The following CDKN2A variants were observed in gnomAD, a reference collection of about 807,000 sequenced individuals.
CDKN2A encodes cyclin-dependent kinase inhibitor 2A.
Under a neutral mutation model 11.1 loss-of-function variants are expected in CDKN2A, and 3 were observed. The ratio of observed to expected loss-of-function variants is 0.27; its 90% CI spans 0.12 to 0.70. The LOEUF is 0.70. Among genes scored for constraint, CDKN2A ranks in the 30% least tolerant of loss-of-function variants. The pLI, the probability that CDKN2A is intolerant of heterozygous loss-of-function variation, is 0.77. For synonymous variants in CDKN2A, 122 were observed against 108.1 expected (o/e 1.13, Z -0.80); for missense variants, 265 against 233.6 (o/e 1.13, Z -0.88).
At chr9:21,982,889 G>A (rs899771818) in intron 2 of CDKN2A, among the ~76,000 whole-genome samples, 2 of 151,676 alleles carry the variant, frequency 1.3e-5, no homozygotes, top group South Asian at 4.2e-4. Flanking sequence ...AAAGCTCAGA[G>A]TGCTTAAGTA....
At chr9:21,970,476 T>A (rs1299483203) in intron 2 of CDKN2A, 1 of 400,552 alleles carries the variant, frequency 2.5e-6, no homozygotes, top group Non-Finnish European at 4.5e-6. Context: ...ACAATTGGGT[T>A]TGGAAATCCT....
At chr9:21,975,256 C>T (rs1026767422), upstream of CDKN2A, 16 of 622,938 alleles carry the variant, frequency 2.6e-5, no homozygotes, top group Non-Finnish European at 3.2e-5. Context: ...TGTTTGAGTG[C>T]GTTCACTCTG....
Position 21,974,722 on chromosome 9 carries a change from C to G in CDKN2A, c.106G>C (p.Ala36Pro), listed in dbSNP as rs777948908. 1 of 1,612,994 alleles carries G rather than the reference C, an allele frequency of 6.2e-7. No homozygotes were observed. Among genetic ancestry groups the G allele is most frequent in the Non-Finnish European group, 8.5e-7 (1 of 1,179,824 alleles). The change falls in exon 1 of 3, where the codon GCG (alanine) becomes CCG (proline). Residue 36 changes from alanine (A) to proline (P), a missense_variant. Transcript: ENST00000304494. The surrounding 1 kb of genome is among the most constrained non-coding windows in gnomAD (Gnocchi z 5.2). ...TAACTATTCGGTGCGTTGGGCAGCG[C>G]CCCCGCCTCCAGCAGCGCCCGCACC... Reference protein sequence around the residue: ...EEVRALLEAGALPNAPNSYGR... With the variant: ...EEVRALLEAGPLPNAPNSYGR...
At chr9:21,984,992 T>C (rs921636572) in intron 2 of CDKN2A, among the ~76,000 whole-genome samples, 2 of 151,978 alleles carry the variant, frequency 1.3e-5, no homozygotes, top group South Asian at 4.1e-4. Context: ...ACCTGATATG[T>C]GATTCAACTC....
rs1587326119 is a variant in CDKN2A, at chr9:21,968,629, C to G, written c.458-387G>C. 4 of 1,519,166 alleles carry G rather than the reference C, an allele frequency of 2.6e-6. No individual in the cohort carries two copies. The East Asian group carries it at 9.8e-5, about 37-fold the overall frequency. 94.1% of individuals were successfully genotyped at this position (1,519,166 alleles called of 1,614,324 possible). A position where few individuals can be genotyped will look rare whatever the true frequency, so the allele number is the denominator to read the frequency against. On this transcript the variant is annotated intron_variant, in intron 2 of 2. Transcript: ENST00000304494. This position sits in a 1 kb window ranked among gnomAD's most constrained non-coding sequence, Gnocchi z 4.7. ...GCCTTTCCCTTCCCGCATCCCCAGG[C>G]ATCTTTTGCACCTGGTGCGGAGTGA...
chr9:21,982,572 A>G (rs904924855), intron 2 of CDKN2A, among the ~76,000 whole-genome samples: 1 of 152,066 alleles, frequency 6.6e-6, no homozygotes, highest in Non-Finnish European at 1.5e-5. Context: ...TTAGCACAGT[A>G]TGTATGTATG....
At position 21,968,082 on chromosome 9, in the gene CDKN2A, A is replaced by G; in HGVS notation, c.*147T>C. On this transcript the variant is annotated 3_prime_UTR_variant, in exon 3 of 3. Coordinates refer to ENST00000304494, the MANE Select transcript of CDKN2A (RefSeq NM_000077.5). The surrounding 1 kb of genome is among the most constrained non-coding windows in gnomAD (Gnocchi z 4.7). ...GGGGGAAGGCATATATCTACGTTAA[A>G]AGGCAGGACATTTTTAAAAGCTCTA... 6 of 751,570 alleles carry G rather than the reference A, an allele frequency of 8.0e-6. No individual in the cohort carries two copies. The highest frequency in any genetic ancestry group is 5.8e-5 in the South Asian group (4 of 68,646). 46.6% of individuals were successfully genotyped at this position (751,570 alleles called of 1,614,324 possible).
chr9:21,984,845 TCTTA>T (rs1272816767), intron 2 of CDKN2A, among the ~76,000 whole-genome samples: 1 of 151,952 alleles, frequency 6.6e-6, no homozygotes, highest in Non-Finnish European at 1.5e-5. Context: ...GACTCTATAG[TCTTA>T]CTGTTATGTT....
At chr9:21,977,803 T>C (rs909093928), upstream of CDKN2A, among the ~76,000 whole-genome samples, 3 of 152,150 alleles carry the variant, frequency 2.0e-5, no homozygotes, top group African/African-American at 7.2e-5. Context: ...TGCACATGTA[T>C]TTCTAGATAA....
Position 21,983,835 on chromosome 9 carries a change from T to C in CDKN2A, c.-4+10047A>G, listed in dbSNP as rs3731223. ...ATCATAATTTTGGAAATGACACATA[T>C]GCAAGTGGGACAAGCCTAGTCTTTA... On this transcript the variant is annotated intron_variant, in intron 2 of 3. Transcript: ENST00000494262. Among the ~76,000 whole-genome samples, 438 of 152,134 alleles carry C rather than the reference T, an allele frequency of 2.9e-3. 2 individuals are homozygous for C. Among genetic ancestry groups the C allele is most frequent in the Admixed American group, 4.9e-3 (75 of 15,288 alleles).
intron 2 of CDKN2A, among the ~76,000 whole-genome samples, chr9:21,990,558 C>G (rs1459078410): frequency 6.8e-6 from 1 of 147,802 alleles, no homozygotes; most frequent in African/African-American, 2.5e-5. Context: ...TAAATATCAC[C>G]AAACTTTTTC....
In CDKN2A at chr9:21,987,423, A is replaced by ACG. The variant is rs1554658496; in HGVS notation, c.-4+6458_-4+6459insCG. On this transcript the variant is annotated intron_variant, in intron 2 of 3. Coordinates refer to the CDKN2A transcript ENST00000494262. Reference sequence around the variant, plus strand: ...CACACACACACACACACACACACACACACACACACAGAGAGAGAGAGAGAG... The same window carrying ACG: ...CACACACACACACACACACACACACACGCACACACACAGAGAGAGAGAGAGAG... Among the ~76,000 whole-genome samples the ACG allele has an allele frequency of 9.0e-5, 11 of 121,698 alleles. No homozygotes were observed. In the East Asian group the frequency reaches 2.9e-3, roughly 32 times the overall value. 79.8% of individuals were successfully genotyped at this position (121,698 alleles called of 152,430 possible). A position where few individuals can be genotyped will look rare whatever the true frequency, so the allele number is the denominator to read the frequency against.
At chr9:21,971,460 G>A (rs1005037245) in intron 1 of CDKN2A, 22 of 1,073,134 alleles carry the variant, frequency 2.1e-5, no homozygotes, top group African/African-American at 9.7e-5. Flanking sequence ...TGTGAGGCAC[G>A]GGCAAAATAG....
At chr9:21,983,774 TA>T (rs1820245377) in intron 2 of CDKN2A, among the ~76,000 whole-genome samples, 1 of 152,054 alleles carries the variant, frequency 6.6e-6, no homozygotes, top group African/African-American at 2.4e-5. Context: ...TAATTGGACT[TA>T]ATGTGGGTGG....
chr9:21,982,137 A>G (rs1820210831), intron 2 of CDKN2A, among the ~76,000 whole-genome samples: 1 of 152,168 alleles, frequency 6.6e-6, no homozygotes, highest in South Asian at 2.1e-4. Context: ...TTCCTACTCA[A>G]ACTGGATCTT....
Position 21,969,731 on chromosome 9 carries a change from G to T in CDKN2A, c.457+1171C>A, listed in dbSNP as rs1587328142. 6 of 398,152 alleles carry T rather than the reference G, an allele frequency of 1.5e-5. No homozygotes were observed. The East Asian group carries it at 2.1e-4, about 14-fold the overall frequency. 24.7% of individuals were successfully genotyped at this position (398,152 alleles called of 1,614,324 possible). A position where few individuals can be genotyped will look rare whatever the true frequency, so the allele number is the denominator to read the frequency against. On this transcript the variant is annotated intron_variant, in intron 2 of 2. Transcript: ENST00000304494. ...GCTCCTTCTAAATCGGGACCCGGAT[G>T]CTAGCTGTAACTGGAGCCGAAGTCT...
intron 2 of CDKN2A, among the ~76,000 whole-genome samples, chr9:21,990,647 AG>A (rs1200031100): frequency 6.7e-6 from 1 of 150,060 alleles, no homozygotes; most frequent in African/African-American, 2.5e-5. Context: ...AGAGAGAGAG[AG>A]AGAAACTGTT....
chr9:21,992,385 CATAT>C lies in CDKN2A; in HGVS notation c.-4+1493_-4+1496del, dbSNP rs1419652710. Reference sequence around the variant, plus strand: ...TTTTACATATGAAATTGGAAAATTGCATATATTTCAAGACATTCTATCCAAGCTG... The same window carrying C: ...TTTTACATATGAAATTGGAAAATTGCATTTCAAGACATTCTATCCAAGCTG... On this transcript the variant is annotated intron_variant, in intron 2 of 3. Transcript: ENST00000494262. 5.1e-6 allele frequency: 5 copies of C among 981,272 alleles called. No homozygotes were observed. The Admixed American group carries it at 1.8e-4, about 36-fold the overall frequency. 60.8% of individuals were successfully genotyped at this position (981,272 alleles called of 1,614,324 possible).
At chr9:21,975,181 G>GC (rs1172150581), upstream of CDKN2A, 3 of 1,128,166 alleles carry the variant, frequency 2.7e-6, no homozygotes, top group Non-Finnish European at 3.3e-6. Context: ...CTCCCCACCT[G>GC]CCCCCCACAC....
Sources: gnomAD v4.1 joint callset for allele counts (sites outside exome capture counted in the v4.1 genomes callset) on GRCh38, gnomAD v4.1.1 for gene constraint, Gnocchi (gnomAD v3.1) non-coding constraint, MANE v1.5 for transcripts, NCBI Gene and HGNC (gene_info 2026-07-23, HGNC 2026-07-21) for gene names.